Variants in MVD observed in about 807,000 individuals in gnomAD.
MVD encodes mevalonate diphosphate decarboxylase, also known as diphosphomevalonate decarboxylase.
A neutral mutation model predicts 42.4 loss-of-function variants in MVD; 52 were observed. The observed-to-expected ratio is 1.23, with a 90% CI of 0.98 to 1.55. MVD has a LOEUF of 1.55. MVD is among the 40% of genes most tolerant of loss of function. The pLI is 0.00. For synonymous variants in MVD, 287 were observed against 243.2 expected, an observed-to-expected ratio of 1.18 and a Z score of -1.68; for missense variants, 663 against 572.1, an observed-to-expected ratio of 1.16 and a Z score of -1.62.
Position 88,654,805 on chromosome 16 carries a change from C to T in MVD, c.900G>A (p.Val300=), listed in dbSNP as rs201946705. ...TGGGGCCCGCGTCAAAGGTGTACGC[C>T]ACCTGGAACCCACAGCAGTCACCCT... The part of the protein sequence containing the change: ...RFNAHHGDTK[V]AYTFDAGPNA... Residue 300 remains valine (V), a splice_region_variant and synonymous_variant, in exon 8 of 10, where the codon GTG becomes GTA. Transcript: ENST00000301012. The T allele has an allele frequency of 1.9e-5, 30 of 1,569,698 alleles. No individual in the cohort carries two copies. The African/African-American group carries it at 4.0e-4, about 21-fold the overall frequency.
chr16:88,653,517 G>A, intron 8 of MVD, 109 bp from the exon 9 acceptor site: 4 of 919,358 alleles, frequency 4.4e-6, no homozygotes, highest in Non-Finnish European at 6.4e-6. Flanking sequence ...GGCCGTCAGG[G>A]CTCAGGGAGG....
At position 88,653,554 on chromosome 16, in the gene MVD, G is replaced by T. The variant is rs561659529; in HGVS notation, c.1014-146C>A. 1.2e-5 allele frequency: 8 copies of T among 644,328 alleles called. 1 individual carries two copies. The Admixed American group carries it at 2.0e-4, about 16-fold the overall frequency. The allele number at this position is 644,328 out of a possible 1,614,324, so 39.9% of individuals were successfully genotyped here. The stretch of plus-strand genomic sequence containing the variant: ...GGAGACGGCAGGTGGCTGCTGTGGG[G>T]ACAGGTTTCTTTTAGGGGTGATGAA... On this transcript the variant is annotated intron_variant, in intron 8 of 9. Coordinates refer to ENST00000301012, the MANE Select transcript of MVD (RefSeq NM_002461.3).
At chr16:88,658,501 G>A in intron 2 of MVD, 149 bp downstream of exon 2, 1 of 745,706 alleles carries the variant, frequency 1.3e-6, no homozygotes, top group Non-Finnish European at 2.3e-6. Flanking sequence ...TGCGATCATG[G>A]TTCACTGTGG....
At position 88,653,252 on chromosome 16, in the gene MVD, CT is replaced by C. The variant is rs776101422; in HGVS notation, c.1122+47del. On this transcript the variant is annotated intron_variant, in intron 9 of 9. Coordinates refer to ENST00000301012, the MANE Select transcript of MVD (RefSeq NM_002461.3). ...GGCCCTGGGGGCTGGGCGGGCCCCC[CT>C]GGCAGGAAAGGAAACCCCGGGGTAC... 31 of 1,503,690 alleles carry C rather than the reference CT, an allele frequency of 2.1e-5. No homozygotes were observed. In the Admixed American group the frequency reaches 2.7e-4, roughly 13 times the overall value. The allele number at this position is 1,503,690 out of a possible 1,614,324, so 93.1% of individuals were successfully genotyped here.
chr16:88,657,819 G>T, intron 3 of MVD, 96 bp downstream of exon 3: 1 of 1,370,580 alleles, frequency 7.3e-7, no homozygotes, highest in Non-Finnish European at 1.0e-6. Flanking sequence ...CACCCCGCCT[G>T]CTGCCTCAGG....
At chr16:88,660,694 A>G (rs370586464) in intron 1 of MVD, 4 of 149,822 alleles carry the variant, frequency 2.7e-5, no homozygotes, top group East Asian at 3.9e-4. Context: ...ATATAAATAT[A>G]AAATAAATAA....
At chr16:88,655,564 G>T in intron 6 of MVD, 92 bp downstream of exon 6, 1 of 1,520,608 alleles carries the variant, frequency 6.6e-7, no homozygotes, top group Non-Finnish European at 8.8e-7. Context: ...TGCCGCAGGT[G>T]TGAGAACACT....
At chr16:88,660,298 T>G (rs551565422) in intron 1 of MVD, among the ~76,000 whole-genome samples, 4 of 152,288 alleles carry the variant, frequency 2.6e-5, no homozygotes, top group East Asian at 3.9e-4. Flanking sequence ...AACGTAAGGT[T>G]TAAAGAAGAC....
At chr16:88,654,986 C>A (rs773177527) in intron 7 of MVD, 179 bp from the exon 8 acceptor site, 15 of 852,224 alleles carry the variant, frequency 1.8e-5, no homozygotes, top group Non-Finnish European at 2.1e-5. Flanking sequence ...CCTGTGAACC[C>A]AGGAAGAAGG....
At position 88,653,350 on chromosome 16, in the gene MVD, G is replaced by T; in HGVS notation, c.1072C>A (p.Leu358Met). The T allele has an allele frequency of 6.3e-7, 1 of 1,599,722 alleles. No individual in the cohort carries two copies. Among genetic ancestry groups the T allele is most frequent in the Non-Finnish European group, 8.5e-7 (1 of 1,176,378 alleles). ...CCACCGGGGGTCGGCTCCATGGCCA[G>T]CGCAGCCTGAAGCTCAGCTGAGAGA... ...APLSAELQAA[L>M]AMEPTPGGVK... The change falls in exon 9 of 10, where the codon CTG (leucine) becomes ATG (methionine). Residue 358 changes from leucine to methionine, a missense_variant. Coordinates refer to ENST00000301012, the MANE Select transcript of MVD (RefSeq NM_002461.3).
At chr16:88,659,138 C>T (rs999740767) in intron 1 of MVD, 1 of 209,144 alleles carries the variant, frequency 4.8e-6, no homozygotes, top group African/African-American at 2.3e-5. Flanking sequence ...CCCAGCACGG[C>T]CATGGGACAG....
rs781615749 is a variant in MVD, at chr16:88,653,409, C to G, written c.1014-1G>C. On this transcript the variant is annotated splice_acceptor_variant, in intron 8 of 9. Transcript: ENST00000301012. LOFTEE classifies it high-confidence loss of function. ...CCTCACCTGCAGCCCCTTCAGAAACCTGGAAAAGCAGGGCAGGGGCACGGT... is the reference window on the plus strand; with the variant it reads ...CCTCACCTGCAGCCCCTTCAGAAACGTGGAAAAGCAGGGCAGGGGCACGGT... The G allele has an allele frequency of 1.2e-6, 2 of 1,606,298 alleles. No individual in the cohort carries two copies. The highest frequency in any genetic ancestry group is 2.2e-5 in the South Asian group (2 of 90,254).
In MVD at chr16:88,656,143, C is replaced by CG. The variant is rs1184672726; in HGVS notation, c.564dup (p.Glu189ArgfsTer6). 5 of 1,601,926 alleles carry CG rather than the reference C, an allele frequency of 3.1e-6. No homozygotes were observed. The highest frequency in any genetic ancestry group is 4.2e-6 in the Non-Finnish European group (5 of 1,179,912). ...ACGCGGAGTTCAGGCCAGTGTGACT[C>CG]GGGGGCCACTTGCCGAGCGATGCTG... On this transcript the variant is annotated frameshift_variant, in exon 5 of 10. Transcript: ENST00000301012.
In MVD at chr16:88,652,479, C is replaced by G; in HGVS notation, c.*46G>C. On this transcript the variant is annotated 3_prime_UTR_variant, in exon 10 of 10. Coordinates refer to ENST00000301012, the MANE Select transcript of MVD (RefSeq NM_002461.3). The stretch of plus-strand genomic sequence containing the variant: ...CACCACATCCGCTCCCTAGCTCCGG[C>G]GAGGCCACCCCTTCTCCAAGCGGCA... 1 of 1,545,056 alleles carries G rather than the reference C, an allele frequency of 6.5e-7. No individual in the cohort carries two copies. The highest frequency in any genetic ancestry group is 8.8e-7 in the Non-Finnish European group (1 of 1,142,252).
intron 1 of MVD, 48 bp downstream of exon 1, chr16:88,662,963 G>A (rs979299906): frequency 4.5e-6 from 7 of 1,568,926 alleles, no homozygotes; most frequent in Non-Finnish European, 6.0e-6. Context: ...CCGCGTACCC[G>A]GCCTCGCTCC....
At chr16:88,658,195 G>A (rs947888259) in intron 2 of MVD, among the ~76,000 whole-genome samples, 166 bp from the exon 3 acceptor site, 62 of 152,184 alleles carry the variant, frequency 4.1e-4, no homozygotes, top group Admixed American at 4.0e-3. Flanking sequence ...GGGGAAGCCC[G>A]TGGGGGATGA....
At chr16:88,656,493 CCACTCTCGGA>C (rs779534049) in intron 4 of MVD, 189 bp from the exon 5 acceptor site, 1 of 634,110 alleles carries the variant, frequency 1.6e-6, no homozygotes, top group Non-Finnish European at 2.8e-6. Context: ...TCCGCTAGTT[CCACTCTCGGA>C]CACTCTCTGT....
chr16:88,653,640 C>G (rs185367203), intron 8 of MVD: 3 of 505,522 alleles, frequency 5.9e-6, no homozygotes, highest in Non-Finnish European at 1.0e-5. Context: ...CTCAACACCG[C>G]AGGATTATAT....
At chr16:88,656,071 C>T (rs1431818764) in intron 5 of MVD, 34 bp downstream of exon 5, 10 of 1,554,068 alleles carry the variant, frequency 6.4e-6, no homozygotes, top group African/African-American at 2.7e-5. Context: ...CAGAGGCCAC[C>T]GGGCTGCTGC....
Sources: allele counts gnomAD v4.1 joint callset (sites outside exome capture counted in the v4.1 genomes callset), GRCh38; gene constraint gnomAD v4.1.1; transcripts MANE v1.5; gene names NCBI Gene and HGNC (gene_info 2026-07-23, HGNC 2026-07-21).